ILRUN: variants seen among roughly 807,000 people sequenced by gnomAD.
ILRUN encodes the protein inflammation and lipid regulator with UBA-like and NBR1-like domains.
Under a neutral mutation model 33.8 loss-of-function variants are expected in ILRUN, and 3 were observed. That is an observed-to-expected ratio of 0.09 (90% confidence interval 0.04 to 0.23). The LOEUF is 0.23. Ranked by LOEUF, ILRUN falls within the 10% of genes least tolerant of loss-of-function variation. The pLI, the probability that ILRUN is intolerant of heterozygous loss-of-function variation, is 1.00. For synonymous variants in ILRUN, 124 were observed against 138.9 expected (o/e 0.89, Z 0.75); for missense variants, 210 against 375.1 (o/e 0.56, Z 3.64).
intron 1 of ILRUN, among the ~76,000 whole-genome samples, chr6:34,659,680 G>A: frequency 7.3e-6 from 1 of 136,432 alleles, no homozygotes; most frequent in East Asian, 2.2e-4. Flanking sequence ...GGAGTGCAGT[G>A]GTGCTATCTC....
chr6:34,657,231 T>G (rs1186661819), intron 1 of ILRUN, among the ~76,000 whole-genome samples: 2 of 152,240 alleles, frequency 1.3e-5, no homozygotes, highest in East Asian at 3.8e-4. Context: ...GCTGAATTGT[T>G]TTCTGTTCAC....
chr6:34,612,916 A>G (rs892366295), intron 3 of ILRUN, among the ~76,000 whole-genome samples: 5 of 152,088 alleles, frequency 3.3e-5, no homozygotes, highest in Non-Finnish European at 7.4e-5. Flanking sequence ...GGTGGTGGGC[A>G]CCTGTAGTCC....
chr6:34,595,895 A>T (rs1761389981), intron 4 of ILRUN: 2 of 985,348 alleles, frequency 2.0e-6, no homozygotes, highest in African/African-American at 1.7e-5. Context: ...TTCCTGGGTC[A>T]GTCCTGGTCA....
intron 2 of ILRUN, among the ~76,000 whole-genome samples, chr6:34,654,325 A>G (rs1353130968): frequency 6.6e-6 from 1 of 152,238 alleles, no homozygotes; most frequent in African/African-American, 2.4e-5. Flanking sequence ...AGGTGGAGCC[A>G]ATACCCCATC....
intron 3 of ILRUN, among the ~76,000 whole-genome samples, chr6:34,611,059 C>A (rs1237109178): frequency 6.9e-6 from 1 of 144,444 alleles, no homozygotes; most frequent in East Asian, 2.0e-4. Context: ...CCCCCTCCCC[C>A]TCTCCTTCCC....
chr6:34,615,649 GGA>G (rs769251697), intron 3 of ILRUN, among the ~76,000 whole-genome samples: 3 of 152,216 alleles, frequency 2.0e-5, no homozygotes, highest in Admixed American at 6.5e-5. Context: ...CACTTTCTAT[GGA>G]GAGAATTGAC....
At position 34,606,669 on chromosome 6, in the gene ILRUN, T is replaced by C. The variant is rs749151218; in HGVS notation, c.747A>G (p.Thr249=). 111 of 1,612,454 alleles carry C rather than the reference T, an allele frequency of 6.9e-5. No homozygotes were observed. Among genetic ancestry groups the C allele is most frequent in the Middle Eastern group, 1.6e-4 (1 of 6,084 alleles). ...SKNTWAPAPD[T]WAPAPDQTEQ... is the part of the protein sequence containing the mutation. ...CAGTTTGGTCAGGAGCAGGAGCCCA[T>C]GTGTCAGGAGCAGGAGCCCATGTGT... The change falls in exon 4 of 5, where the codon ACA becomes ACG. Residue 249 remains threonine, a synonymous_variant. Coordinates refer to ENST00000374023, the MANE Select transcript of ILRUN (RefSeq NM_024294.4).
chr6:34,606,107 A>C (rs762194387), intron 4 of ILRUN, among the ~76,000 whole-genome samples: 31 of 152,334 alleles, frequency 2.0e-4, no homozygotes, highest in Middle Eastern at 3.4e-3. Context: ...CCACATTTGA[A>C]AAGTCAAAAT....
chr6:34,657,505 A>C (rs1372804513), intron 1 of ILRUN, among the ~76,000 whole-genome samples: 1 of 152,234 alleles, frequency 6.6e-6, no homozygotes, highest in Admixed American at 6.5e-5. Flanking sequence ...TTATACAGGT[A>C]ATTCAGCCAG....
chr6:34,688,472 A>G (rs940240805), intron 1 of ILRUN, among the ~76,000 whole-genome samples: 1 of 151,948 alleles, frequency 6.6e-6, no homozygotes, highest in African/African-American at 2.4e-5. Flanking sequence ...ACATAATGCT[A>G]AATGAAAGAT....
rs1266541294 is a variant in ILRUN, at chr6:34,683,504, A to G, written c.158+12942T>C. On this transcript the variant is annotated intron_variant, in intron 1 of 4. Coordinates refer to ENST00000374023, the MANE Select transcript of ILRUN (RefSeq NM_024294.4). ...TATATATACATATATATATACATATATATATATATACATATATATATATAC... is the reference window on the plus strand; with the variant it reads ...TATATATACATATATATATACATATGTATATATATACATATATATATATAC... 1.5e-3 allele frequency among the ~76,000 whole-genome samples: 150 copies of G among 99,226 alleles called. 5 individuals are homozygous for G. The highest frequency in any genetic ancestry group is 8.5e-3 in the African/African-American group (146 of 17,246). The allele number at this position is 99,226 out of a possible 152,430, so 65.1% of individuals were successfully genotyped here.
At chr6:34,677,688 C>T (rs1763265546) in intron 1 of ILRUN, among the ~76,000 whole-genome samples, 1 of 152,086 alleles carries the variant, frequency 6.6e-6, no homozygotes, top group Non-Finnish European at 1.5e-5. Flanking sequence ...ACGGCTCATG[C>T]CTGTAATCCC....
At chr6:34,670,649 G>A (rs1295176469) in intron 1 of ILRUN, among the ~76,000 whole-genome samples, 5 of 150,792 alleles carry the variant, frequency 3.3e-5, no homozygotes, top group African/African-American at 9.8e-5. Context: ...TCAGGAGTTC[G>A]AGACCAGCTT....
At chr6:34,597,788 C>T (rs1203524979) in intron 4 of ILRUN, among the ~76,000 whole-genome samples, 1 of 152,192 alleles carries the variant, frequency 6.6e-6, no homozygotes, top group African/African-American at 2.4e-5. Flanking sequence ...ATGCACCCCA[C>T]CCTCTTTAAG....
Position 34,604,033 on chromosome 6 carries a change from C to T in ILRUN, c.861+2522G>A, listed in dbSNP as rs1761573663. 5.3e-5 allele frequency among the ~76,000 whole-genome samples: 8 copies of T among 152,174 alleles called. No individual in the cohort carries two copies. In the South Asian group the frequency reaches 1.7e-3, roughly 31 times the overall value. On this transcript the variant is annotated intron_variant, in intron 4 of 4. Transcript: ENST00000374023. Reference sequence around the variant, plus strand: ...TTAGATTAAGAAAAAAAGGAGACCCCAATTTCTCTTTGGCATCTAAGTTTC... The same window carrying T: ...TTAGATTAAGAAAAAAAGGAGACCCTAATTTCTCTTTGGCATCTAAGTTTC...
intron 1 of ILRUN, among the ~76,000 whole-genome samples, chr6:34,683,762 T>A (rs1763458285): frequency 6.6e-6 from 1 of 151,884 alleles, no homozygotes; most frequent in South Asian, 2.1e-4. Flanking sequence ...TTGCCAACAT[T>A]TAAAAATCAG....
chr6:34,647,921 A>C (rs1239478473), intron 2 of ILRUN, among the ~76,000 whole-genome samples: 1 of 151,710 alleles, frequency 6.6e-6, no homozygotes, highest in Non-Finnish European at 1.5e-5. Context: ...CTGATCATGA[A>C]CTCCTGACCT....
At chr6:34,600,554 T>G in intron 4 of ILRUN, among the ~76,000 whole-genome samples, 1 of 152,162 alleles carries the variant, frequency 6.6e-6, no homozygotes. Flanking sequence ...TCAAGGAATA[T>G]AGACAGGTTT....
At chr6:34,672,493 C>A (rs955694942) in intron 1 of ILRUN, among the ~76,000 whole-genome samples, 8 of 152,168 alleles carry the variant, frequency 5.3e-5, no homozygotes, top group Admixed American at 5.2e-4. Flanking sequence ...GTGGGAGGAT[C>A]TCATGAGCCC....
Sources: allele counts gnomAD v4.1 joint callset (sites outside exome capture counted in the v4.1 genomes callset), GRCh38; gene constraint gnomAD v4.1.1; transcripts MANE v1.5; gene names NCBI Gene and HGNC (gene_info 2026-07-23, HGNC 2026-07-21).